Variants in SLC25A16 observed in about 807,000 individuals in gnomAD.
SLC25A16 encodes solute carrier family 25 member 16, also known as mitochondrial coenzyme A transporter SLC25A16.
A neutral mutation model predicts 41.5 loss-of-function variants in SLC25A16; 39 were observed. That is an observed-to-expected ratio of 0.94 (90% confidence interval 0.73 to 1.23). SLC25A16 has a LOEUF of 1.23. Ranked by LOEUF, SLC25A16 falls within the 50% of genes most tolerant of loss-of-function variation. The pLI, the probability that SLC25A16 is intolerant of heterozygous loss-of-function variation, is 0.00. For missense variants in SLC25A16, 421 were observed against 426.9 expected (o/e 0.99, Z 0.12); for synonymous variants, 146 against 147.8 (o/e 0.99, Z 0.09).
rs1224478632 is a variant in SLC25A16 at position 68,479,948 on chromosome 10, T to C, written c.*3484A>G. 6.6e-6 allele frequency: 1 copy of C among 151,498 alleles called. No individual in the cohort carries two copies. The highest frequency in any genetic ancestry group is 1.5e-5 in the Non-Finnish European group (1 of 67,988). 9.4% of individuals were successfully genotyped at this position (151,498 alleles called of 1,614,324 possible). A position where few individuals can be genotyped will look rare whatever the true frequency, so the allele number is the denominator to read the frequency against. ...AATCGCTTGAACCCGGAGGTGGAGA[T>C]TGCAGTGAGCCGAGATTGCACCACT... On this transcript the variant is annotated 3_prime_UTR_variant, in exon 9 of 9. Coordinates refer to ENST00000609923, the MANE Select transcript of SLC25A16 (RefSeq NM_152707.4).
At chr10:68,512,533 G>C (rs986660853) in intron 2 of SLC25A16, among the ~76,000 whole-genome samples, 1 of 125,786 alleles carries the variant, frequency 8.0e-6, no homozygotes, top group East Asian at 2.2e-4. Context: ...CAGCTACTTG[G>C]GAGGCTGAGG....
chr10:68,516,815 T>G lies in SLC25A16; in HGVS notation c.159A>C (p.Thr53=). 4 of 1,613,602 alleles carry G rather than the reference T, an allele frequency of 2.5e-6. No homozygotes were observed. The highest frequency in any genetic ancestry group is 3.4e-6 in the Non-Finnish European group (4 of 1,179,708). ...GGIAGCCAKT[T]VAPLDRVKVL... is the part of the protein sequence containing the mutation. Reference sequence around the variant, plus strand: ...CCTTTACTCGATCCAATGGAGCAACTGTTGTTTTGGCACAGCATCCAGCAA... The same window carrying G: ...CCTTTACTCGATCCAATGGAGCAACGGTTGTTTTGGCACAGCATCCAGCAA... The change falls in exon 2 of 9, where the codon ACA becomes ACC. Residue 53 remains threonine (T), a synonymous_variant. Transcript: ENST00000609923.
intron 2 of SLC25A16, among the ~76,000 whole-genome samples, chr10:68,513,574 T>C (rs1196755352): frequency 1.3e-5 from 2 of 152,164 alleles, no homozygotes; most frequent in African/African-American, 4.8e-5. Context: ...TAAACATCTT[T>C]CTATAAAACG....
intron 1 of SLC25A16, among the ~76,000 whole-genome samples, chr10:68,526,026 T>C (rs185340386): frequency 0.013 from 1,980 of 151,942 alleles, 51 homozygotes; most frequent in African/African-American, 0.045. Flanking sequence ...CCCCATGTGA[T>C]AGTCTGAAAT....
At chr10:68,490,117 G>A (rs1458676585) in intron 6 of SLC25A16, among the ~76,000 whole-genome samples, 2 of 151,966 alleles carry the variant, frequency 1.3e-5, no homozygotes, top group African/African-American at 4.8e-5. Context: ...TTTAAAGGAG[G>A]TAGATGCAGT....
chr10:68,495,939 G>A (rs1189013752), intron 4 of SLC25A16, among the ~76,000 whole-genome samples: 1 of 152,008 alleles, frequency 6.6e-6, no homozygotes, highest in African/African-American at 2.4e-5. Context: ...CATAATAAGT[G>A]GGTACCCAAA....
At chr10:68,501,589 G>C (rs908687309) in intron 4 of SLC25A16, among the ~76,000 whole-genome samples, 1 of 143,422 alleles carries the variant, frequency 7.0e-6, no homozygotes, top group Middle Eastern at 3.3e-3. Context: ...GAAGAGGAGG[G>C]AAGGGAAGGG....
At chr10:68,507,219 C>T (rs988625659) in intron 2 of SLC25A16, among the ~76,000 whole-genome samples, 4 of 151,652 alleles carry the variant, frequency 2.6e-5, no homozygotes, top group African/African-American at 9.7e-5. Flanking sequence ...ATTACACGCG[C>T]CCGCCACCAC....
intron 2 of SLC25A16, among the ~76,000 whole-genome samples, chr10:68,508,337 TA>T (rs1236079983): frequency 1.5e-5 from 2 of 131,996 alleles, no homozygotes; most frequent in Non-Finnish European, 3.2e-5. Context: ...TTCATACCAA[TA>T]AAACTGTCAA....
chr10:68,499,933 T>A (rs746743524), intron 4 of SLC25A16: 47 of 573,512 alleles, frequency 8.2e-5, no homozygotes, highest in Non-Finnish European at 1.4e-4. Flanking sequence ...AAAGGGCAAA[T>A]ACAAGGAAGA....
At position 68,503,674 on chromosome 10, in the gene SLC25A16, T is replaced by C. The variant is rs774483304; in HGVS notation, c.379A>G (p.Ile127Val). The stretch of plus-strand genomic sequence containing the variant: ...ATTAATCTGTGCACATGACCTGAAA[T>C]TCCCAGCTTCGTAGTAATTAACTAG... ...YKTLITTKLG[I>V]SGHVHRLMAG... Residue 127 changes from isoleucine (I) to valine (V), a missense_variant, in exon 4 of 9, where the codon ATT becomes GTT. Ile to Val is a conservative substitution (Grantham distance 29). Coordinates refer to ENST00000609923, the MANE Select transcript of SLC25A16 (RefSeq NM_152707.4). 1.1e-5 allele frequency: 18 copies of C among 1,599,048 alleles called. No individual in the cohort carries two copies. Among genetic ancestry groups the C allele is most frequent in the Non-Finnish European group, 1.5e-5 (17 of 1,167,726 alleles).
chr10:68,522,372 G>C (rs1008767504), intron 1 of SLC25A16, among the ~76,000 whole-genome samples: 1 of 151,728 alleles, frequency 6.6e-6, no homozygotes, highest in Non-Finnish European at 1.5e-5. Context: ...TGAGAGGAGA[G>C]GATTGTCAAA....
At chr10:68,491,201 T>C (rs2133504208) in intron 6 of SLC25A16, among the ~76,000 whole-genome samples, 1 of 151,580 alleles carries the variant, frequency 6.6e-6, no homozygotes, top group South Asian at 2.1e-4. Flanking sequence ...AGTTTGCTAT[T>C]AGTGCACTGT....
chr10:68,502,151 T>C (rs2052858921), intron 4 of SLC25A16, among the ~76,000 whole-genome samples: 1 of 152,016 alleles, frequency 6.6e-6, no homozygotes, highest in South Asian at 2.1e-4. Flanking sequence ...GCTGAGATTG[T>C]GGCAGTGAGC....
chr10:68,512,566 G>A (rs1055833817), intron 2 of SLC25A16, among the ~76,000 whole-genome samples: 1 of 91,590 alleles, frequency 1.1e-5, no homozygotes, highest in South Asian at 4.5e-4. Flanking sequence ...GTGAACCCGG[G>A]AGGCGGAGCT....
intron 3 of SLC25A16, among the ~76,000 whole-genome samples, chr10:68,506,043 T>TTAAATAAA (rs202242577): frequency 5.3e-5 from 8 of 150,450 alleles, no homozygotes; most frequent in Admixed American, 4.7e-4. Context: ...AAAAATAAAA[T>TTAAATAAA]TAAATAAATA....
At chr10:68,522,793 C>A in intron 1 of SLC25A16, among the ~76,000 whole-genome samples, 2 of 121,668 alleles carry the variant, frequency 1.6e-5, no homozygotes, top group Admixed American at 1.1e-4. Flanking sequence ...CTAGCCTAGG[C>A]AACAGAGTGA....
At chr10:68,501,250 CAA>C (rs534962296) in intron 4 of SLC25A16, among the ~76,000 whole-genome samples, 2 of 142,638 alleles carry the variant, frequency 1.4e-5, no homozygotes, top group African/African-American at 2.6e-5. Context: ...GACTCCATCT[CAA>C]AAAAAAAAAG....
intron 8 of SLC25A16, 45 bp downstream of exon 8, chr10:68,487,099 T>C (rs2052576989): frequency 1.4e-6 from 2 of 1,478,768 alleles, no homozygotes; most frequent in Admixed American, 1.7e-5. Flanking sequence ...GAGTTTAATG[T>C]TACATTTCCT....
Sources: allele counts gnomAD v4.1 joint callset (sites outside exome capture counted in the v4.1 genomes callset), GRCh38; gene constraint gnomAD v4.1.1; transcripts MANE v1.5; gene names NCBI Gene and HGNC (gene_info 2026-07-23, HGNC 2026-07-21).